ITPR2: variants seen among roughly 807,000 people sequenced by gnomAD.
The protein encoded by ITPR2 is inositol 1,4,5-trisphosphate receptor type 2.
Under a neutral mutation model 317.1 loss-of-function variants are expected in ITPR2, and 207 were observed. That is an observed-to-expected ratio of 0.65 (90% CI 0.58 to 0.73). The LOEUF (loss-of-function observed/expected upper bound fraction) is 0.73, where lower values mean the gene tolerates loss of function less well. ITPR2 is among the 30% of genes least tolerant of loss of function. The pLI is 0.00. For synonymous variants in ITPR2, 1,156 were observed against 1,149.1 expected (o/e 1.01, Z -0.12); for missense variants, 2,613 against 3,284.0 (o/e 0.80, Z 4.99).
chr12:26,708,413 G>C (rs1328716750), intron 9 of ITPR2, among the ~76,000 whole-genome samples: 2 of 152,130 alleles, frequency 1.3e-5, no homozygotes, highest in Non-Finnish European at 2.9e-5. Flanking sequence ...ATATTATTCA[G>C]CCATAAAAAA....
intron 2 of ITPR2, among the ~76,000 whole-genome samples, chr12:26,741,688 C>CGT (rs140625599): frequency 0.032 from 4,803 of 151,940 alleles, 65 homozygotes; most frequent in Middle Eastern, 0.068. Flanking sequence ...TCTGTGTGTG[C>CGT]GTGTGTGTGT....
At chr12:26,771,559 G>A (rs1391248546) in intron 2 of ITPR2, among the ~76,000 whole-genome samples, 2 of 152,146 alleles carry the variant, frequency 1.3e-5, no homozygotes, top group African/African-American at 4.8e-5. Context: ...CTGTCGCCCA[G>A]GCTGGAGTGC....
rs1164570920 is a variant in ITPR2, at chr12:26,516,213, GAAGGAAAGGA to G, written c.5074-20963_5074-20954del. Among the ~76,000 whole-genome samples, 341 of 40,246 alleles carry G rather than the reference GAAGGAAAGGA, an allele frequency of 8.5e-3. 33 individuals carry two copies. The highest frequency in any genetic ancestry group is 0.012 in the Middle Eastern group (1 of 82). The allele number at this position is 40,246 out of a possible 152,430, so 26.4% of individuals were successfully genotyped here. A position where few individuals can be genotyped will look rare whatever the true frequency, so the allele number is the denominator to read the frequency against. ...GGCGGGGGAGGGAAGGGGAGGACAG[GAAGGAAAGGA>G]AAGGAAAGGAAAGGAAAGGAAAGGA... is the stretch of plus-strand genomic sequence containing the variant. On this transcript the variant is annotated intron_variant, in intron 37 of 56. Coordinates refer to ENST00000381340, the MANE Select transcript of ITPR2 (RefSeq NM_002223.4).
intron 21 of ITPR2, among the ~76,000 whole-genome samples, chr12:26,644,182 AC>A (rs1346916177): frequency 2.0e-5 from 3 of 152,110 alleles, no homozygotes; most frequent in African/African-American, 7.2e-5. Flanking sequence ...AGGGGGTGCC[AC>A]CTCACATCAT....
intron 26 of ITPR2, among the ~76,000 whole-genome samples, chr12:26,615,327 A>G (rs995738735): frequency 7.9e-5 from 12 of 152,150 alleles, no homozygotes; most frequent in Admixed American, 7.9e-4. Flanking sequence ...AAAAACTCAA[A>G]TTTCAGGTTT....
chr12:26,811,094 T>C (rs546279187), intron 1 of ITPR2, among the ~76,000 whole-genome samples: 12 of 150,368 alleles, frequency 8.0e-5, no homozygotes, highest in African/African-American at 2.2e-4. Context: ...CCAAATATCA[T>C]GACAGACCTG....
intron 55 of ITPR2, 72 bp from the exon 56 acceptor site, chr12:26,340,400 T>G: frequency 2.9e-6 from 4 of 1,398,556 alleles, no homozygotes; most frequent in Non-Finnish European, 3.8e-6. Flanking sequence ...CTGTTTATTA[T>G]TACTAACATT....
intron 55 of ITPR2, among the ~76,000 whole-genome samples, chr12:26,352,409 T>A (rs978829751): frequency 6.6e-6 from 1 of 152,232 alleles, no homozygotes; most frequent in African/African-American, 2.4e-5. Flanking sequence ...GCTCTTGGAT[T>A]TTCTCTTGGA....
At chr12:26,353,766 A>T (rs927312996) in intron 55 of ITPR2, among the ~76,000 whole-genome samples, 3 of 152,180 alleles carry the variant, frequency 2.0e-5, no homozygotes, top group Admixed American at 6.5e-5. Flanking sequence ...TATGATCATT[A>T]TATTTATTTT....
chr12:26,494,172 C>T lies in ITPR2; in HGVS notation c.5351G>A (p.Gly1784Glu). 1 of 1,612,114 alleles carries T rather than the reference C, an allele frequency of 6.2e-7. No homozygotes were observed. The highest frequency in any genetic ancestry group is 8.5e-7 in the Non-Finnish European group (1 of 1,179,084). Reference sequence around the variant, plus strand: ...AAGTACCTGTGTTTGTGTATTTCCTCCTTCAAGCAAGGCAATGCCGAGGAA... The same window carrying T: ...AAGTACCTGTGTTTGTGTATTTCCTTCTTCAAGCAAGGCAATGCCGAGGAA... ...GIFLGIALLE[G>E]GNTQTQYSFY... The change falls in exon 39 of 57, where the codon GGA (glycine) becomes GAA (glutamate). Residue 1784 changes from glycine (G) to glutamate (E), a missense_variant. By Grantham distance (98) the Gly-to-Glu change is moderately conservative. Coordinates refer to ENST00000381340, the MANE Select transcript of ITPR2 (RefSeq NM_002223.4).
intron 46 of ITPR2, among the ~76,000 whole-genome samples, chr12:26,441,626 C>T (rs182087046): frequency 3.3e-5 from 5 of 152,260 alleles, no homozygotes; most frequent in Admixed American, 1.3e-4. Context: ...AGCTGATCAA[C>T]GAGTTCATCA....
chr12:26,448,928 T>C (rs995737103), intron 45 of ITPR2, among the ~76,000 whole-genome samples: 2 of 152,166 alleles, frequency 1.3e-5, no homozygotes, highest in African/African-American at 4.8e-5. Context: ...CATGCATTTT[T>C]TGAAACCAAG....
chr12:26,832,639 G>C lies in ITPR2; in HGVS notation c.92+51C>G, dbSNP rs777246074. The C allele has an allele frequency of 6.4e-6, 9 of 1,412,686 alleles. No individual in the cohort carries two copies. In the East Asian group the frequency reaches 2.3e-4, roughly 37 times the overall value. The allele number at this position is 1,412,686 out of a possible 1,614,324, so 87.5% of individuals were successfully genotyped here. A position where few individuals can be genotyped will look rare whatever the true frequency, so the allele number is the denominator to read the frequency against. On this transcript the variant is annotated intron_variant, in intron 1 of 56. Coordinates refer to ENST00000381340, the MANE Select transcript of ITPR2 (RefSeq NM_002223.4). The stretch of plus-strand genomic sequence containing the variant: ...GGCGGCGGAGGAGGGACAGGGACTG[G>C]TTCCCAGGACCCGGAGCGCGAGCGC...
At chr12:26,784,267 CT>C in intron 2 of ITPR2, among the ~76,000 whole-genome samples, 1 of 8,260 alleles carries the variant, frequency 1.2e-4, no homozygotes, top group African/African-American at 4.0e-4. Context: ...CTCCCTCTCC[CT>C]CTCCCTCTCC....
chr12:26,482,083 C>G (rs1265298809), intron 42 of ITPR2, among the ~76,000 whole-genome samples: 1 of 152,134 alleles, frequency 6.6e-6, no homozygotes, highest in African/African-American at 2.4e-5. Context: ...AGACCAAAAT[C>G]AAGACAACTT....
Position 26,832,677 on chromosome 12 carries a change from G to C in ITPR2, c.92+13C>G, listed in dbSNP as rs1754240252. ...GGAGCGCGAGCGCTGCCCAGCCCTC[G>C]TCTCCCGCTTACCCCAAGGTGCTGA... On this transcript the variant is annotated intron_variant, in intron 1 of 56. Transcript: ENST00000381340. The C allele has an allele frequency of 6.3e-7, 1 of 1,584,286 alleles. No individual in the cohort carries two copies. Among genetic ancestry groups the C allele is most frequent in the Non-Finnish European group, 8.6e-7 (1 of 1,163,890 alleles).
chr12:26,431,113 C>T (rs1013142483), intron 48 of ITPR2, among the ~76,000 whole-genome samples: 2 of 151,796 alleles, frequency 1.3e-5, no homozygotes, highest in African/African-American at 2.4e-5. Context: ...TTAACAGTGC[C>T]TAGCACATAG....
chr12:26,802,087 G>C (rs1156773221), intron 1 of ITPR2, among the ~76,000 whole-genome samples: 1 of 152,060 alleles, frequency 6.6e-6, no homozygotes, highest in African/African-American at 2.4e-5. Context: ...ATCACTTGAG[G>C]CAAGGAGTTA....
At chr12:26,642,738 C>A (rs1409196850) in intron 21 of ITPR2, among the ~76,000 whole-genome samples, 1 of 152,170 alleles carries the variant, frequency 6.6e-6, no homozygotes, top group Admixed American at 6.5e-5. Flanking sequence ...AAACAGCATT[C>A]CAAAAAAGGC....
Sources: allele counts gnomAD v4.1 joint callset (sites outside exome capture counted in the v4.1 genomes callset), GRCh38; gene constraint gnomAD v4.1.1; transcripts MANE v1.5; gene names NCBI Gene and HGNC (gene_info 2026-07-23, HGNC 2026-07-21).